ACCSL: variants seen among roughly 807,000 people sequenced by gnomAD.
The protein encoded by ACCSL is 1-aminocyclopropane-1-carboxylate synthase homolog (inactive) like.
Under a neutral mutation model 61.7 loss-of-function variants are expected in ACCSL, and 55 were observed. The observed-to-expected ratio is 0.89, with a 90% CI of 0.72 to 1.12. ACCSL has a LOEUF of 1.12. ACCSL is among the 50% of genes most tolerant of loss of function. The pLI is 0.00. For synonymous variants in ACCSL, 258 were observed against 264.3 expected, an observed-to-expected ratio of 0.98 and a Z score of 0.23; for missense variants, 632 against 698.0, an observed-to-expected ratio of 0.91 and a Z score of 1.07.
chr11:44,051,947 G>A (rs1952642337), intron 5 of ACCSL, among the ~76,000 whole-genome samples: 1 of 152,210 alleles, frequency 6.6e-6, no homozygotes. Context: ...AAGGAGGTAT[G>A]CCCCAGGAAT....
At chr11:44,052,968 C>A (rs942049044) in intron 6 of ACCSL, 23 bp from the exon 7 acceptor site, 5 of 1,603,126 alleles carry the variant, frequency 3.1e-6, no homozygotes, top group Non-Finnish European at 4.3e-6. Flanking sequence ...AGAGACACTT[C>A]TCACATAGTG....
intron 1 of ACCSL, among the ~76,000 whole-genome samples, chr11:44,049,395 G>C (rs1199541439): frequency 6.8e-6 from 1 of 147,058 alleles, no homozygotes; most frequent in Non-Finnish European, 1.5e-5. Flanking sequence ...ACTCCAGCCT[G>C]GGTGACAGAG....
the ACCSL span, among the ~76,000 whole-genome samples, chr11:44,005,107 G>C: frequency 7.8e-6 from 1 of 128,698 alleles, no homozygotes; most frequent in Non-Finnish European, 1.6e-5. Context: ...GTCCCGGCAA[G>C]CTCACCCCCA....
intron 6 of ACCSL, 113 bp from the exon 7 acceptor site, chr11:44,052,878 A>G (rs1427773405): frequency 3.5e-6 from 5 of 1,434,772 alleles, no homozygotes; most frequent in Admixed American, 3.4e-5. Flanking sequence ...GGGGTGGAGA[A>G]GGCATGTGGA....
Position 44,055,212 on chromosome 11 carries a change from C to A in ACCSL, c.1060C>A (p.His354Asn). 1 of 1,609,106 alleles carries A rather than the reference C, an allele frequency of 6.2e-7. No individual in the cohort carries two copies. Among genetic ancestry groups the A allele is most frequent in the Non-Finnish European group, 8.5e-7 (1 of 1,175,866 alleles). The change falls in exon 9 of 14, where the codon CAT becomes AAT. Residue 354 changes from histidine (H) to asparagine (N), a missense_variant. By Grantham distance (68) the His-to-Asn change is moderately conservative. Transcript: ENST00000378832. ...YLEFAKRYNL[H>N]VIIDEIYMLS... ...TCATCTAATCTACAGGTATAACCTA[C>A]ATGTGATCATAGATGAGATTTACAT... is the stretch of plus-strand genomic sequence containing the variant.
At chr11:43,998,455 A>G in the ACCSL span, among the ~76,000 whole-genome samples, 1 of 152,132 alleles carries the variant, frequency 6.6e-6, no homozygotes, top group African/African-American at 2.4e-5. Flanking sequence ...AAAGCCCTGG[A>G]TTAGGCATTC....
the ACCSL span, among the ~76,000 whole-genome samples, chr11:43,961,940 G>A: frequency 1.9e-3 from 285 of 152,178 alleles, no homozygotes; most frequent in African/African-American, 6.4e-3. Context: ...TCTGTAACAG[G>A]GCCTTTGAGC....
intron 11 of ACCSL, among the ~76,000 whole-genome samples, chr11:44,057,796 C>A (rs993316824): frequency 1.3e-5 from 2 of 152,234 alleles, no homozygotes; most frequent in African/African-American, 4.8e-5. Context: ...CTTTGAGAAG[C>A]CCAGTGTCTC....
the ACCSL span, among the ~76,000 whole-genome samples, chr11:43,991,506 C>A: frequency 1.1e-5 from 1 of 87,422 alleles, no homozygotes; most frequent in South Asian, 4.5e-4. Context: ...CAATATACAC[C>A]CCCCTGGCAG....
chr11:43,970,410 C>T, the ACCSL span, among the ~76,000 whole-genome samples: 1 of 152,078 alleles, frequency 6.6e-6, no homozygotes, highest in African/African-American at 2.4e-5. Context: ...CACCATGGTG[C>T]TCAGGTTGGT....
chr11:43,991,821 C>T, the ACCSL span, among the ~76,000 whole-genome samples: 2 of 151,900 alleles, frequency 1.3e-5, no homozygotes, highest in Non-Finnish European at 2.9e-5. Flanking sequence ...ACAATCCGCA[C>T]CTCCCCCAAA....
chr11:43,941,440 C>G, the ACCSL span, among the ~76,000 whole-genome samples: 4 of 152,238 alleles, frequency 2.6e-5, no homozygotes. Context: ...GGACGGAGGC[C>G]AAATCCCACT....
the ACCSL span, among the ~76,000 whole-genome samples, chr11:43,978,170 C>A: frequency 6.6e-6 from 1 of 151,922 alleles, no homozygotes; most frequent in African/African-American, 2.4e-5. Flanking sequence ...CCACCACGCC[C>A]AACTAATTTT....
chr11:43,943,452 C>T, the ACCSL span: 1 of 1,425,352 alleles, frequency 7.0e-7, no homozygotes. This position sits in a 1 kb window ranked among gnomAD's most constrained non-coding sequence, Gnocchi z 4.8. Context: ...TCGCCGCGCT[C>T]GCCCTGGCCC....
chr11:44,009,976 C>G, the ACCSL span, among the ~76,000 whole-genome samples: 1 of 152,104 alleles, frequency 6.6e-6, no homozygotes, highest in Non-Finnish European at 1.5e-5. Flanking sequence ...ACCAGAGATG[C>G]CTGCTCAAAA....
the ACCSL span, among the ~76,000 whole-genome samples, chr11:43,938,890 A>G: frequency 1.3e-5 from 2 of 152,210 alleles, no homozygotes; most frequent in African/African-American, 2.4e-5. Flanking sequence ...TTAATATAAT[A>G]CTTTGCCACA....
the ACCSL span, among the ~76,000 whole-genome samples, chr11:43,986,886 T>A: frequency 6.6e-6 from 1 of 152,214 alleles, no homozygotes; most frequent in South Asian, 2.1e-4. Context: ...CTTTTGTTAA[T>A]GAGATGATGG....
chr11:43,997,541 C>T, the ACCSL span, among the ~76,000 whole-genome samples: 2 of 152,282 alleles, frequency 1.3e-5, no homozygotes, highest in South Asian at 2.1e-4. Context: ...TCCCCATTCT[C>T]GTCGTTTTAT....
chr11:43,966,951 G>A, the ACCSL span, among the ~76,000 whole-genome samples: 9,938 of 151,904 alleles, frequency 0.065, 348 homozygotes, highest in South Asian at 0.1. Context: ...TTATGTATAT[G>A]CTGTCTCTCT....
Sources: allele counts gnomAD v4.1 joint callset (sites outside exome capture counted in the v4.1 genomes callset), GRCh38; gene constraint gnomAD v4.1.1; non-coding constraint Gnocchi (gnomAD v3.1); transcripts MANE v1.5; gene names NCBI Gene and HGNC (gene_info 2026-07-23, HGNC 2026-07-21).